Variants in EPB41L4A observed in about 807,000 individuals in gnomAD.
The protein encoded by EPB41L4A is band 4.1-like protein 4A.
A neutral mutation model predicts 108.6 loss-of-function variants in EPB41L4A; 100 were observed. The observed-to-expected ratio is 0.92, with a 90% CI of 0.78 to 1.09. The LOEUF is 1.09. Ranked by LOEUF, EPB41L4A falls within the 50% of genes least tolerant of loss-of-function variation. EPB41L4A has a pLI of 0.00. For synonymous variants in EPB41L4A, 319 were observed against 289.0 expected (o/e 1.10, Z -1.05); for missense variants, 1,030 against 842.7 (o/e 1.22, Z -2.75).
At chr5:112,168,899 T>A in intron 21 of EPB41L4A, 79 bp from the exon 22 acceptor site, 1 of 1,488,996 alleles carries the variant, frequency 6.7e-7, no homozygotes, top group South Asian at 1.1e-5. Flanking sequence ...AACTACAGTG[T>A]AGATATAAAA....
At chr5:112,385,996 T>C (rs1448544803) in intron 1 of EPB41L4A, among the ~76,000 whole-genome samples, 1 of 152,238 alleles carries the variant, frequency 6.6e-6, no homozygotes, top group Non-Finnish European at 1.5e-5. Context: ...ATTTTTAATA[T>C]GGTTTAATTA....
chr5:112,143,977 A>G (rs565021468), intron 13 of EPB41L4A: 3 of 391,660 alleles, frequency 7.7e-6, no homozygotes, highest in African/African-American at 6.2e-5. Context: ...CCACCCTCCA[A>G]TTCACCCCTT....
At chr5:112,280,910 G>C (rs1235793843) in intron 2 of EPB41L4A, among the ~76,000 whole-genome samples, 1 of 152,114 alleles carries the variant, frequency 6.6e-6, no homozygotes, top group Admixed American at 6.6e-5. Flanking sequence ...TTTGCTTCCA[G>C]TCTCATCCCT....
intron 12 of EPB41L4A, among the ~76,000 whole-genome samples, chr5:112,214,467 T>G (rs566422812): frequency 6.6e-6 from 1 of 152,044 alleles, no homozygotes; most frequent in Non-Finnish European, 1.5e-5. Flanking sequence ...CTTCAAGAAT[T>G]AAAACACAGA....
chr5:112,204,638 T>C, intron 14 of EPB41L4A, 150 bp from the exon 15 acceptor site: 2 of 497,410 alleles, frequency 4.0e-6, no homozygotes, highest in East Asian at 5.9e-5. Context: ...CAAGATTTAT[T>C]AAAAGAAAAG....
At chr5:112,142,407 A>T (rs532456633), downstream of EPB41L4A, 1 of 152,364 alleles carries the variant, frequency 6.6e-6, no homozygotes, top group African/African-American at 2.4e-5. Flanking sequence ...CTAAAATAGC[A>T]TCTGGTAATT....
At chr5:112,260,003 T>C (rs1312418696) in intron 7 of EPB41L4A, 24 bp from the exon 8 acceptor site, 2 of 1,463,790 alleles carry the variant, frequency 1.4e-6, no homozygotes, top group South Asian at 2.3e-5. Flanking sequence ...CATATGCCTA[T>C]AACCACATAT....
intron 12 of EPB41L4A, chr5:112,228,360 G>C (rs1229301736): frequency 6.6e-6 from 1 of 152,224 alleles, no homozygotes; most frequent in Non-Finnish European, 1.5e-5. Flanking sequence ...GCGGTAAGTA[G>C]CTGTCCTCTT....
chr5:112,197,117 T>TCA (rs201190850), intron 15 of EPB41L4A: 3 of 85,164 alleles, frequency 3.5e-5, no homozygotes, highest in Non-Finnish European at 7.8e-5. Context: ...CTCCCACCTC[T>TCA]CACACAGTCA....
chr5:112,322,730 A>T (rs1181522991), intron 1 of EPB41L4A, among the ~76,000 whole-genome samples: 1 of 146,522 alleles, frequency 6.8e-6, no homozygotes, highest in Non-Finnish European at 1.5e-5. Context: ...ACACACACTC[A>T]CACACACACC....
chr5:112,302,953 C>A (rs1437783997), intron 2 of EPB41L4A, among the ~76,000 whole-genome samples: 1 of 152,132 alleles, frequency 6.6e-6, no homozygotes, highest in Non-Finnish European at 1.5e-5. Context: ...TCAGCCCTCC[C>A]AGGATACTGT....
chr5:112,345,194 G>T (rs1029500040), intron 1 of EPB41L4A, among the ~76,000 whole-genome samples: 2 of 152,152 alleles, frequency 1.3e-5, no homozygotes, highest in African/African-American at 4.8e-5. Context: ...CCCAAGCATA[G>T]ATTCTCGAAT....
intron 1 of EPB41L4A, among the ~76,000 whole-genome samples, chr5:112,383,106 T>C (rs997528249): frequency 2.0e-5 from 3 of 152,168 alleles, no homozygotes; most frequent in African/African-American, 7.2e-5. Context: ...GTTAGATGAA[T>C]ACTCTCCAGT....
chr5:112,202,759 G>A (rs1300252379), intron 15 of EPB41L4A, among the ~76,000 whole-genome samples: 1 of 152,038 alleles, frequency 6.6e-6, no homozygotes, highest in East Asian at 1.9e-4. Context: ...GAAACTAGCA[G>A]AAGCAAAAGG....
At chr5:112,373,383 C>T (rs1759617609) in intron 1 of EPB41L4A, among the ~76,000 whole-genome samples, 2 of 152,238 alleles carry the variant, frequency 1.3e-5, no homozygotes, top group South Asian at 4.1e-4. Context: ...TTCCCACTGC[C>T]AGCACTAGCT....
At position 112,412,827 on chromosome 5, in the gene EPB41L4A, C is replaced by T. The variant is rs150941474; in HGVS notation, c.99+6114G>A. Among the ~76,000 whole-genome samples, 769 of 152,280 alleles carry T rather than the reference C, an allele frequency of 5.0e-3. 3 individuals are homozygous for T. The highest frequency in any genetic ancestry group is 0.018 in the African/African-American group (731 of 41,566). Reference sequence around the variant, plus strand: ...GCAGCCAGTTTGATCTCTGACTTGTCATGTTTACAACAGGCCTGCAGACAA... The same window carrying T: ...GCAGCCAGTTTGATCTCTGACTTGTTATGTTTACAACAGGCCTGCAGACAA... On this transcript the variant is annotated intron_variant, in intron 1 of 22. Transcript: ENST00000261486.
intron 17 of EPB41L4A, among the ~76,000 whole-genome samples, 186 bp from the exon 18 acceptor site, chr5:112,184,321 G>A (rs1761318294): frequency 6.6e-6 from 1 of 152,130 alleles, no homozygotes; most frequent in Non-Finnish European, 1.5e-5. Flanking sequence ...ACCCTCAGAA[G>A]TAAATAATAC....
At chr5:112,212,688 A>G (rs1747280133) in intron 12 of EPB41L4A, among the ~76,000 whole-genome samples, 2 of 152,180 alleles carry the variant, frequency 1.3e-5, no homozygotes, top group African/African-American at 2.4e-5. Flanking sequence ...TATAAATGAA[A>G]AGGAGCTTCA....
chr5:112,408,765 A>G (rs1207418665), intron 1 of EPB41L4A, among the ~76,000 whole-genome samples: 1 of 150,566 alleles, frequency 6.6e-6, no homozygotes, highest in Non-Finnish European at 1.5e-5. Context: ...TAGTCACCAG[A>G]GAAAAATGCA....
Sources: allele counts gnomAD v4.1 joint callset (sites outside exome capture counted in the v4.1 genomes callset), GRCh38; gene constraint gnomAD v4.1.1; transcripts MANE v1.5; gene names NCBI Gene and HGNC (gene_info 2026-07-23, HGNC 2026-07-21).